Variants in EEA1 observed in about 807,000 individuals in gnomAD.
EEA1 encodes the protein early endosome antigen 1, 162kD.
A neutral mutation model predicts 209.2 loss-of-function variants in EEA1; 111 were observed. The observed-to-expected ratio is 0.53, with a 90% CI of 0.45 to 0.62. The LOEUF is 0.62. EEA1 is among the 20% of genes least tolerant of loss of function. The pLI is 0.00. For missense variants in EEA1, 1,343 were observed against 1,530.8 expected (o/e 0.88, Z 2.05); for synonymous variants, 536 against 540.6 (o/e 0.99, Z 0.12).
chr12:92,816,501 T>C, intron 14 of EEA1, 101 bp from the exon 15 acceptor site: 6 of 1,085,910 alleles, frequency 5.5e-6, no homozygotes, highest in South Asian at 1.6e-5. Context: ...TGCTTTATGA[T>C]AGTTTATCTC....
intron 2 of EEA1, among the ~76,000 whole-genome samples, chr12:92,869,908 C>T (rs1387248537): frequency 5.9e-5 from 9 of 151,816 alleles, no homozygotes; most frequent in Admixed American, 4.6e-4. Context: ...AAAATGCTAA[C>T]CAGATTTTCA....
intron 1 of EEA1, among the ~76,000 whole-genome samples, chr12:92,912,326 TC>T (rs571492171): frequency 3.2e-4 from 48 of 149,838 alleles, no homozygotes; most frequent in African/African-American, 1.2e-3. Context: ...TATGTAATCC[TC>T]CCCTACATAA....
chr12:92,776,287 ATC>A (rs1182936750), intron 28 of EEA1, among the ~76,000 whole-genome samples, 154 bp from the exon 29 acceptor site: 1 of 151,966 alleles, frequency 6.6e-6, no homozygotes, highest in Non-Finnish European at 1.5e-5. Flanking sequence ...TGTTAACTTA[ATC>A]TCTGTTATAA....
chr12:92,881,232 C>T (rs1879124841), intron 2 of EEA1, among the ~76,000 whole-genome samples: 2 of 151,996 alleles, frequency 1.3e-5, no homozygotes, highest in Admixed American at 6.6e-5. Context: ...GGCAAGACCC[C>T]ATCTCTATGA....
rs1183534999 is a variant in EEA1, at chr12:92,929,073, A to G, written c.-7T>C. The G allele has an allele frequency of 6.3e-7, 1 of 1,586,948 alleles. No homozygotes were observed. Reference sequence around the variant, plus strand: ...GTAAAATCCTCCTTAACATGGTTTAACCACCACCCGGCGCCGCCGCGGTGA... The same window carrying G: ...GTAAAATCCTCCTTAACATGGTTTAGCCACCACCCGGCGCCGCCGCGGTGA... On this transcript the variant is annotated 5_prime_UTR_variant, in exon 1 of 29. Coordinates refer to ENST00000322349, the MANE Select transcript of EEA1 (RefSeq NM_003566.4).
intron 19 of EEA1, 147 bp downstream of exon 19, chr12:92,802,257 A>G (rs556723893): frequency 1.4e-6 from 1 of 716,032 alleles, no homozygotes; most frequent in East Asian, 3.1e-5. Flanking sequence ...TTCTCAGGTT[A>G]AGCAATCCCA....
chr12:92,832,668 T>C lies in EEA1; in HGVS notation c.1098A>G (p.Glu366=), dbSNP rs771658503. The C allele has an allele frequency of 6.2e-7, 1 of 1,614,016 alleles. No individual in the cohort carries two copies. Among genetic ancestry groups the C allele is most frequent in the East Asian group, 2.2e-5 (1 of 44,828 alleles). ...GAGTAGCTTCTCCTTTTTCACTTAG[T>C]TCTACATGTATTCTATGCAGTGAGG... ...SETSLHRIHV[E]LSEKGEATQK... The change falls in exon 11 of 29, where the codon GAA becomes GAG. Residue 366 remains glutamate (E), a synonymous_variant. Coordinates refer to ENST00000322349, the MANE Select transcript of EEA1 (RefSeq NM_003566.4).
chr12:92,832,271 T>C (rs960456527), intron 11 of EEA1, among the ~76,000 whole-genome samples: 19 of 152,120 alleles, frequency 1.2e-4, no homozygotes, highest in Non-Finnish European at 2.2e-4. Context: ...AAGCAATTTA[T>C]AGTATCAATT....
chr12:92,831,243 A>C (rs1398412744), intron 11 of EEA1, among the ~76,000 whole-genome samples: 1 of 152,006 alleles, frequency 6.6e-6, no homozygotes, highest in African/African-American at 2.4e-5. Flanking sequence ...TGAGACCTGA[A>C]TATCCCCCAA....
At position 92,864,712 on chromosome 12, in the gene EEA1, T is replaced by A. The variant is rs1341273908; in HGVS notation, c.245+148A>T. The A allele has an allele frequency of 4.3e-6, 3 of 698,562 alleles. No homozygotes were observed. The African/African-American group carries it at 5.6e-5, about 13-fold the overall frequency. 43.3% of individuals were successfully genotyped at this position (698,562 alleles called of 1,614,324 possible). On this transcript the variant is annotated intron_variant, in intron 3 of 28. Coordinates refer to ENST00000322349, the MANE Select transcript of EEA1 (RefSeq NM_003566.4). Reference sequence around the variant, plus strand: ...TCAAGGATTGAATAGTTTTTAACAATAGTGGAGGAAGGATATGCTAAATGA... The same window carrying A: ...TCAAGGATTGAATAGTTTTTAACAAAAGTGGAGGAAGGATATGCTAAATGA...
At chr12:92,877,521 T>A (rs867103967) in intron 2 of EEA1, among the ~76,000 whole-genome samples, 5 of 151,328 alleles carry the variant, frequency 3.3e-5, no homozygotes, top group African/African-American at 9.8e-5. Context: ...ATAATTGAAC[T>A]AAAATTAAAA....
In EEA1 at chr12:92,788,044, C is replaced by T. The variant is rs1565808033; in HGVS notation, c.2973G>A (p.Glu991=). The change falls in exon 22 of 29, where the codon GAG becomes GAA. Residue 991 remains glutamate, a synonymous_variant. Coordinates refer to ENST00000322349, the MANE Select transcript of EEA1 (RefSeq NM_003566.4). ...ACTGCTGCTGTAGTTTATTCTCAAG[C>T]TCTGTCTGAAACATACAATAGTTAT... The part of the protein sequence containing the change: ...ELKIAVLQKT[E]LENKLQQQLT... 2 of 1,597,170 alleles carry T rather than the reference C, an allele frequency of 1.3e-6. No homozygotes were observed. Among genetic ancestry groups the T allele is most frequent in the Non-Finnish European group, 1.7e-6 (2 of 1,173,190 alleles).
chr12:92,827,286 G>A (rs764340824), intron 12 of EEA1, among the ~76,000 whole-genome samples: 4 of 151,818 alleles, frequency 2.6e-5, no homozygotes, highest in African/African-American at 7.3e-5. Flanking sequence ...CCCAGGAGGC[G>A]GACGTTGCAG....
intron 8 of EEA1, 143 bp from the exon 9 acceptor site, chr12:92,851,409 T>C: frequency 1.3e-6 from 1 of 774,178 alleles, no homozygotes; most frequent in Non-Finnish European, 2.0e-6. Flanking sequence ...AACACTGATA[T>C]CTTCTCCCAC....
chr12:92,799,544 T>G (rs560666199), intron 20 of EEA1, among the ~76,000 whole-genome samples: 1 of 152,268 alleles, frequency 6.6e-6, no homozygotes, highest in East Asian at 1.9e-4. Flanking sequence ...CCCAGCACTT[T>G]GGGAGGCTGA....
intron 1 of EEA1, among the ~76,000 whole-genome samples, chr12:92,909,698 T>C (rs1407254175): frequency 6.6e-6 from 1 of 152,180 alleles, no homozygotes; most frequent in African/African-American, 2.4e-5. Flanking sequence ...ATGGATCAGT[T>C]ATCATGGGAA....
rs1169787750 is a variant in EEA1, at chr12:92,896,928, G to A, written c.25-5207C>T. ...GATGGCCCACATTTGTAATCCTAGT[G>A]CTTTGGGAGGCCAAAGAAGGAGGAT... On this transcript the variant is annotated intron_variant, in intron 1 of 28. Coordinates refer to ENST00000322349, the MANE Select transcript of EEA1 (RefSeq NM_003566.4). 2.6e-5 allele frequency among the ~76,000 whole-genome samples: 4 copies of A among 152,234 alleles called. No individual in the cohort carries two copies. In the East Asian group the frequency reaches 7.7e-4, roughly 29 times the overall value.
chr12:92,805,069 C>T (rs1875134107), intron 18 of EEA1, among the ~76,000 whole-genome samples: 2 of 152,148 alleles, frequency 1.3e-5, no homozygotes, highest in South Asian at 4.2e-4. Context: ...TCCATTGGGC[C>T]CATTGGAAAC....
chr12:92,841,613 G>A (rs1877165019), intron 10 of EEA1, among the ~76,000 whole-genome samples: 1 of 152,026 alleles, frequency 6.6e-6, no homozygotes, highest in African/African-American at 2.4e-5. Context: ...TGGCCAGCAA[G>A]CACATTAAAA....
Sources: gnomAD v4.1 joint callset for allele counts (sites outside exome capture counted in the v4.1 genomes callset) on GRCh38, gnomAD v4.1.1 for gene constraint, MANE v1.5 for transcripts, NCBI Gene and HGNC (gene_info 2026-07-23, HGNC 2026-07-21) for gene names.